PCDH15: variants seen among roughly 807,000 people sequenced by gnomAD.
The protein encoded by PCDH15 is protocadherin related 15, also known as protocadherin-15.
In PCDH15, 129 loss-of-function variants were observed where a neutral mutation model predicts 178.5. That is an observed-to-expected ratio of 0.72 (90% confidence interval 0.63 to 0.84). PCDH15 has a LOEUF of 0.84. PCDH15 is among the 40% of genes least tolerant of loss of function. PCDH15 has a pLI of 0.00. For missense variants in PCDH15, 2,230 were observed against 2,099.9 expected, an observed-to-expected ratio of 1.06 and a Z score of -1.21; for synonymous variants, 800 against 732.0, an observed-to-expected ratio of 1.09 and a Z score of -1.50.
At chr10:54,343,144 G>A (rs1348423249) in intron 6 of PCDH15, among the ~76,000 whole-genome samples, 1 of 152,118 alleles carries the variant, frequency 6.6e-6, no homozygotes, top group African/African-American at 2.4e-5. Context: ...ATTTGGAAGA[G>A]GCCATGGTTG....
chr10:54,860,953 T>C (rs942186973), intron 3 of PCDH15, among the ~76,000 whole-genome samples: 1 of 152,174 alleles, frequency 6.6e-6, no homozygotes, highest in Non-Finnish European at 1.5e-5. Context: ...GGAATCTTCT[T>C]TTTAATGGTA....
At chr10:55,607,911 T>TAC (rs964875538) in intron 2 of PCDH15, among the ~76,000 whole-genome samples, 9 of 150,016 alleles carry the variant, frequency 6.0e-5, no homozygotes, top group Non-Finnish European at 1.2e-4. Context: ...TAAAAAAAAA[T>TAC]ACACACACAC....
At chr10:55,382,457 T>C (rs954726993) in intron 2 of PCDH15, among the ~76,000 whole-genome samples, 1 of 152,136 alleles carries the variant, frequency 6.6e-6, no homozygotes, top group Admixed American at 6.5e-5. Context: ...TGTTGGTAGA[T>C]TTTAAGATGA....
rs142973266 is a variant in PCDH15 at position 55,350,831 on chromosome 10, A to G, written c.-155-184180T>C. ...TTTACACAGTATTTAGTAACATGGG[A>G]AATTCTCACACAACTGTTTGGATTC... On this transcript the variant is annotated intron_variant, in intron 2 of 5. Coordinates refer to the PCDH15 transcript ENST00000613346. Among the ~76,000 whole-genome samples the G allele has an allele frequency of 9.3e-4, 142 of 152,210 alleles. No homozygotes were observed. In the East Asian group the frequency reaches 0.027, roughly 29 times the overall value.
intron 1 of PCDH15, among the ~76,000 whole-genome samples, chr10:55,210,089 C>A (rs996049457): frequency 6.6e-6 from 1 of 151,234 alleles, no homozygotes; most frequent in Admixed American, 6.6e-5. Flanking sequence ...TGGGAAGAGG[C>A]ATAAATTTCA....
intron 21 of PCDH15, among the ~76,000 whole-genome samples, chr10:53,989,095 G>A (rs745966131): frequency 1.3e-5 from 2 of 152,118 alleles, no homozygotes; most frequent in Non-Finnish European, 1.5e-5. Flanking sequence ...ACAGTTGGCC[G>A]CCTATGAGTG....
intron 18 of PCDH15, among the ~76,000 whole-genome samples, chr10:54,052,320 G>A (rs992677106): frequency 3.3e-5 from 5 of 152,110 alleles, no homozygotes; most frequent in African/African-American, 7.2e-5. Flanking sequence ...AGTTAGGAGG[G>A]GGGCTGTACC....
chr10:54,916,172 T>C (rs1203738058), intron 2 of PCDH15, among the ~76,000 whole-genome samples: 1 of 152,084 alleles, frequency 6.6e-6, no homozygotes, highest in Non-Finnish European at 1.5e-5. Context: ...GGTTTCACCA[T>C]ATTGGTCAGG....
chr10:54,962,242 A>G (rs528157606), intron 2 of PCDH15, among the ~76,000 whole-genome samples: 1 of 151,050 alleles, frequency 6.6e-6, no homozygotes, highest in African/African-American at 2.4e-5. Flanking sequence ...GGTATTCCCT[A>G]AGACAGAGCT....
intron 8 of PCDH15, among the ~76,000 whole-genome samples, chr10:54,310,693 A>G (rs2060847734): frequency 6.6e-6 from 1 of 152,106 alleles, no homozygotes; most frequent in Admixed American, 6.6e-5. Flanking sequence ...TCCCTATTTG[A>G]GGAAAAATAG....
intron 8 of PCDH15, among the ~76,000 whole-genome samples, chr10:54,271,422 C>G (rs2058043161): frequency 6.6e-6 from 1 of 152,024 alleles, no homozygotes; most frequent in African/African-American, 2.4e-5. Context: ...ATTGGCGAGG[C>G]TGGTTTCGAA....
chr10:53,886,194 G>C (rs1189400501), intron 26 of PCDH15, among the ~76,000 whole-genome samples: 1 of 152,154 alleles, frequency 6.6e-6, no homozygotes, highest in African/African-American at 2.4e-5. Flanking sequence ...GGAACGAACC[G>C]TGCTCAGTGC....
At chr10:55,356,718 G>T (rs2131973447) in intron 2 of PCDH15, among the ~76,000 whole-genome samples, 1 of 151,860 alleles carries the variant, frequency 6.6e-6, no homozygotes, top group East Asian at 1.9e-4. Context: ...CAATTTAGTT[G>T]TTATAATTAC....
intron 2 of PCDH15, among the ~76,000 whole-genome samples, chr10:55,138,154 C>A (rs1403528198): frequency 6.6e-6 from 1 of 151,984 alleles, no homozygotes; most frequent in Non-Finnish European, 1.5e-5. Flanking sequence ...CCAAATTTAG[C>A]AAATAAACAT....
At position 55,547,910 on chromosome 10, in the gene PCDH15, T is replaced by TGTGTGTGAGAGAGA. The variant is rs541144266; in HGVS notation, c.-156+79714_-156+79715insTCTCTCTCACACAC. ...TGGTGTGTGTGTCTGTGTGTGTGTG[T>TGTGTGTGAGAGAGA]GAGAGAGAGAGAGAGAGAGAGAGAG... On this transcript the variant is annotated intron_variant, in intron 2 of 5. Transcript: ENST00000613346. Among the ~76,000 whole-genome samples, 490 of 54,430 alleles carry TGTGTGTGAGAGAGA rather than the reference T, an allele frequency of 9.0e-3. 20 individuals are homozygous for TGTGTGTGAGAGAGA. Among genetic ancestry groups the TGTGTGTGAGAGAGA allele is most frequent in the Middle Eastern group, 0.011 (1 of 88 alleles). 35.7% of individuals were successfully genotyped at this position (54,430 alleles called of 152,430 possible).
At chr10:55,582,722 T>A (rs1842648800) in intron 2 of PCDH15, among the ~76,000 whole-genome samples, 1 of 149,086 alleles carries the variant, frequency 6.7e-6, no homozygotes, top group African/African-American at 2.5e-5. Context: ...AAATCTGTAA[T>A]CATTTGAAAA....
At chr10:54,393,837 A>G (rs548617955) in intron 3 of PCDH15, among the ~76,000 whole-genome samples, 7 of 152,224 alleles carry the variant, frequency 4.6e-5, no homozygotes, top group African/African-American at 1.2e-4. Context: ...ATTATATACA[A>G]CCCTATAGCT....
chr10:54,997,939 T>C (rs532556045), intron 2 of PCDH15, among the ~76,000 whole-genome samples: 3 of 152,274 alleles, frequency 2.0e-5, no homozygotes, highest in South Asian at 2.1e-4. Flanking sequence ...TGCAGAAATG[T>C]ATTTTTTAAA....
intron 1 of PCDH15, among the ~76,000 whole-genome samples, chr10:54,677,063 T>C (rs1266836551): frequency 6.6e-6 from 1 of 152,120 alleles, no homozygotes; most frequent in Non-Finnish European, 1.5e-5. Context: ...ACCAATCAAC[T>C]CATCATGCAT....
Sources: allele counts gnomAD v4.1 joint callset (sites outside exome capture counted in the v4.1 genomes callset), GRCh38; gene constraint gnomAD v4.1.1; transcripts MANE v1.5; gene names NCBI Gene and HGNC (gene_info 2026-07-23, HGNC 2026-07-21).